DMD: variants seen among roughly 807,000 people sequenced by gnomAD.
DMD encodes the protein mutant dystrophin.
A neutral mutation model predicts 330.1 loss-of-function variants in DMD; 63 were observed. The observed-to-expected ratio is 0.19, with a 90% CI of 0.16 to 0.24. The LOEUF (loss-of-function observed/expected upper bound fraction) is 0.24, where lower values mean the gene tolerates loss of function less well. Among genes scored for constraint, DMD ranks in the 10% least tolerant of loss-of-function variants. The pLI, the probability that DMD is intolerant of heterozygous loss-of-function variation, is 1.00. For synonymous variants in DMD, 1,223 were observed against 959.8 expected, an observed-to-expected ratio of 1.27 and a Z score of -5.07; for missense variants, 3,344 against 2,684.1, an observed-to-expected ratio of 1.25 and a Z score of -5.43.
intron 11 of DMD, among the ~76,000 whole-genome samples, chrX:32,637,221 G>A (rs1305723780): frequency 9.0e-6 from 1 of 111,535 alleles, no homozygotes; most frequent in East Asian, 2.8e-4. Context: ...CATTTATGTG[G>A]AAATAGAAGC....
At chrX:31,599,365 T>G (rs1298946859) in intron 55 of DMD, among the ~76,000 whole-genome samples, 1 of 112,070 alleles carries the variant, frequency 8.9e-6, no homozygotes, top group Non-Finnish European at 1.9e-5. Context: ...CTCCAAAGAA[T>G]TAGAAGTTCA....
chrX:31,609,143 T>C (rs947681429), intron 55 of DMD, among the ~76,000 whole-genome samples: 5 of 111,597 alleles, frequency 4.5e-5, no homozygotes, highest in African/African-American at 1.6e-4. Context: ...ACTTTTTTTT[T>C]CCAGATTCTT....
intron 17 of DMD, among the ~76,000 whole-genome samples, chrX:32,526,103 ATACTTAACTCTG>A (rs1369984999): frequency 9.0e-6 from 1 of 111,559 alleles, no homozygotes; most frequent in Non-Finnish European, 1.9e-5. Context: ...CTTTCCTCAT[ATACTTAACTCTG>A]TACTTAACGT....
At chrX:32,747,732 G>A (rs1193973091) in intron 7 of DMD, among the ~76,000 whole-genome samples, 1 of 110,439 alleles carries the variant, frequency 9.1e-6, no homozygotes, top group Non-Finnish European at 1.9e-5. Flanking sequence ...GCCTGCCTTG[G>A]CCTCCCAAAG....
At chrX:31,707,337 T>A (rs996662166) in intron 52 of DMD, among the ~76,000 whole-genome samples, 2 of 111,657 alleles carry the variant, frequency 1.8e-5, no homozygotes, top group African/African-American at 6.5e-5. Flanking sequence ...ATCCTCATTT[T>A]GTTTTGTTTT....
intron 56 of DMD, among the ~76,000 whole-genome samples, chrX:31,499,910 G>A (rs769104928): frequency 8.9e-6 from 1 of 112,208 alleles, no homozygotes; most frequent in Non-Finnish European, 1.9e-5. Flanking sequence ...GACGGACCTG[G>A]AACCTCAAAA....
chrX:31,240,259 T>C (rs757310252), intron 63 of DMD, among the ~76,000 whole-genome samples: 75 of 111,529 alleles, frequency 6.7e-4, no homozygotes, highest in African/African-American at 2.4e-3. Flanking sequence ...GAACAGAACA[T>C]TGTGCCTATT....
In DMD at chrX:31,773,947, T is replaced by C. The variant is rs72466585; in HGVS notation, c.7542+13A>G. 7,144 of 1,193,378 alleles carry C rather than the reference T, an allele frequency of 6.0e-3. 28 individuals are homozygous for C. Among genetic ancestry groups the C allele is most frequent in the Non-Finnish European group, 7.4e-3 (6,552 of 881,952 alleles). ...GAAAAACTTCTGCCAACTTTTATCA[T>C]TTTTTCTCATACCTTCTGCTTGATG... On this transcript the variant is annotated intron_variant, in intron 51 of 78. Coordinates refer to ENST00000357033, the MANE Select transcript of DMD (RefSeq NM_004006.3).
At chrX:31,656,609 C>T (rs994869837) in intron 54 of DMD, among the ~76,000 whole-genome samples, 2 of 112,207 alleles carry the variant, frequency 1.8e-5, no homozygotes, top group Non-Finnish European at 3.8e-5. Flanking sequence ...TAATGGTTGA[C>T]TCTCTGATAC....
At chrX:32,550,086 C>T (rs1218338609) in intron 16 of DMD, among the ~76,000 whole-genome samples, 1 of 111,432 alleles carries the variant, frequency 9.0e-6, no homozygotes, top group African/African-American at 3.3e-5. Context: ...GACTACTATA[C>T]GGCCAACCTA....
intron 40 of DMD, 184 bp downstream of exon 40, chrX:32,342,950 A>G (rs1412039195): frequency 6.0e-6 from 3 of 501,213 alleles, no homozygotes; most frequent in Non-Finnish European, 1.0e-5. Context: ...TTCATTCAAC[A>G]TTACGTCAAT....
intron 9 of DMD, among the ~76,000 whole-genome samples, chrX:32,679,342 T>C (rs756195586): frequency 6.0e-4 from 67 of 111,576 alleles, no homozygotes; most frequent in African/African-American, 2.0e-3. Context: ...TTTTGGTTTT[T>C]TTTTTTGTGA....
At chrX:32,763,669 A>G (rs2072610284) in intron 7 of DMD, among the ~76,000 whole-genome samples, 1 of 112,162 alleles carries the variant, frequency 8.9e-6, no homozygotes, top group Non-Finnish European at 1.9e-5. Context: ...ATGGTCTACC[A>G]ACCTTATTGT....
intron 13 of DMD, among the ~76,000 whole-genome samples, chrX:32,582,708 C>G (rs1275209719): frequency 9.0e-6 from 1 of 111,541 alleles, no homozygotes; most frequent in Non-Finnish European, 1.9e-5. Flanking sequence ...CTTTTACTGA[C>G]CAACTGACCA....
intron 47 of DMD, among the ~76,000 whole-genome samples, chrX:31,921,045 A>G (rs2094683342): frequency 9.0e-6 from 1 of 111,676 alleles, no homozygotes; most frequent in Admixed American, 9.6e-5. Flanking sequence ...CTTCAGTGTA[A>G]CCTTCTACAA....
intron 57 of DMD, among the ~76,000 whole-genome samples, chrX:31,483,253 A>T (rs889729893): frequency 3.7e-5 from 4 of 108,690 alleles, no homozygotes; most frequent in Non-Finnish European, 7.6e-5. Context: ...TCACCGTGTT[A>T]GCCAGGATGG....
At chrX:33,254,691 A>C (rs2052826498) in intron 1 of DMD, among the ~76,000 whole-genome samples, 1 of 110,959 alleles carries the variant, frequency 9.0e-6, no homozygotes, top group African/African-American at 3.2e-5. Context: ...TTGCTTTGGT[A>C]AATATATAAA....
chrX:33,235,954 C>T (rs1176331157), intron 1 of DMD, among the ~76,000 whole-genome samples: 5 of 104,455 alleles, frequency 4.8e-5, no homozygotes, highest in East Asian at 2.9e-4. Flanking sequence ...CTGGCTCAGT[C>T]GTCCAGGCTG....
At chrX:32,255,333 T>G (rs943259132) in intron 43 of DMD, among the ~76,000 whole-genome samples, 1 of 111,522 alleles carries the variant, frequency 9.0e-6, no homozygotes, top group Non-Finnish European at 1.9e-5. Context: ...ATAATAGTTC[T>G]TTGTTAAATT....
Sources: gnomAD v4.1 joint callset for allele counts (sites outside exome capture counted in the v4.1 genomes callset) on GRCh38, gnomAD v4.1.1 for gene constraint, MANE v1.5 for transcripts, NCBI Gene and HGNC (gene_info 2026-07-23, HGNC 2026-07-21) for gene names.